The following CAST variants were observed in gnomAD, a reference collection of about 807,000 sequenced individuals.
CAST encodes the protein MIR583 host.
CAST carries 76 observed loss-of-function variants against 119.6 expected under a neutral mutation model. That is an observed-to-expected ratio of 0.64 (90% CI 0.53 to 0.77). CAST has a LOEUF of 0.77. Among genes scored for constraint, CAST ranks in the 30% least tolerant of loss-of-function variants. The probability of loss-of-function intolerance (pLI) is 0.00; values close to 1 mark genes in which losing one functional copy is unlikely to be tolerated. For synonymous variants in CAST, 319 were observed against 331.6 expected (o/e 0.96, Z 0.41); for missense variants, 953 against 946.5 (o/e 1.01, Z -0.09).
At chr5:96,211,340 C>G in the CAST span, among the ~76,000 whole-genome samples, 1 of 151,796 alleles carries the variant, frequency 6.6e-6, no homozygotes, top group Non-Finnish European at 1.5e-5. Context: ...TTTCTGAGAG[C>G]TTTTGGTATG....
intron 16 of CAST, chr5:96,743,693 T>C: frequency 1.9e-6 from 3 of 1,613,358 alleles, no homozygotes; most frequent in Non-Finnish European, 2.5e-6. Flanking sequence ...CGATAAGCTT[T>C]GTGACGGTGA....
At chr5:96,593,648 C>T (rs2150192259) in intron 1 of CAST, among the ~76,000 whole-genome samples, 1 of 152,226 alleles carries the variant, frequency 6.6e-6, no homozygotes, top group Non-Finnish European at 1.5e-5. Flanking sequence ...AAATCCTAGC[C>T]CTCAGTGTGA....
At chr5:96,619,214 G>A (rs1747537382) in intron 1 of CAST, among the ~76,000 whole-genome samples, 1 of 152,158 alleles carries the variant, frequency 6.6e-6, no homozygotes, top group Middle Eastern at 3.4e-3. Context: ...CTAAGGGTTT[G>A]TAAACGCACC....
the CAST span, among the ~76,000 whole-genome samples, chr5:96,346,176 A>C: frequency 6.6e-6 from 1 of 152,148 alleles, no homozygotes; most frequent in Non-Finnish European, 1.5e-5. Context: ...TTGATTGGCT[A>C]TGGTAGATAA....
chr5:96,376,647 G>T, the CAST span, among the ~76,000 whole-genome samples: 1 of 152,062 alleles, frequency 6.6e-6, no homozygotes. Flanking sequence ...CACCATGTGG[G>T]CCAGGCCGGT....
chr5:96,606,800 T>C (rs1747264661), intron 1 of CAST, among the ~76,000 whole-genome samples: 1 of 152,204 alleles, frequency 6.6e-6, no homozygotes, highest in Non-Finnish European at 1.5e-5. Context: ...TAGAACATTA[T>C]ACTATCCTAG....
intron 2 of CAST, among the ~76,000 whole-genome samples, chr5:96,678,143 C>G (rs1750922259): frequency 6.6e-6 from 1 of 152,176 alleles, no homozygotes; most frequent in Non-Finnish European, 1.5e-5. Flanking sequence ...ATCTCCTTTT[C>G]TTCTCAAAAT....
intron 1 of CAST, among the ~76,000 whole-genome samples, chr5:96,584,223 C>T (rs887489552): frequency 6.6e-6 from 1 of 152,188 alleles, no homozygotes; most frequent in African/African-American, 2.4e-5. Flanking sequence ...AGATCCTTGG[C>T]ATGCACTGTT....
the CAST span, among the ~76,000 whole-genome samples, chr5:96,488,566 G>A: frequency 6.6e-6 from 1 of 152,228 alleles, no homozygotes; most frequent in Non-Finnish European, 1.5e-5. Context: ...TGTAGCTAGT[G>A]AGATGTAACT....
the CAST span, among the ~76,000 whole-genome samples, chr5:96,359,535 C>CA: frequency 0.047 from 7,163 of 152,230 alleles, 209 homozygotes; most frequent in Non-Finnish European, 0.071. Context: ...CTGGTGGTGA[C>CA]AAAATCTCTC....
chr5:96,610,625 C>T (rs1160946344), intron 1 of CAST, among the ~76,000 whole-genome samples: 3 of 152,142 alleles, frequency 2.0e-5, no homozygotes, highest in African/African-American at 7.2e-5. Context: ...AGGATATCCA[C>T]TCTTACCACT....
At chr5:96,158,822 T>G in the CAST span, among the ~76,000 whole-genome samples, 1 of 152,222 alleles carries the variant, frequency 6.6e-6, no homozygotes, top group African/African-American at 2.4e-5. Context: ...AGCACTATCT[T>G]AAGTGGGTAA....
At chr5:96,251,128 T>C in the CAST span, among the ~76,000 whole-genome samples, 1 of 152,198 alleles carries the variant, frequency 6.6e-6, no homozygotes, top group Non-Finnish European at 1.5e-5. Context: ...CCTTACCTGA[T>C]AAAAGTTGAA....
chr5:96,285,070 T>C, the CAST span, among the ~76,000 whole-genome samples: 2 of 152,238 alleles, frequency 1.3e-5, no homozygotes, highest in Non-Finnish European at 2.9e-5. Flanking sequence ...AGAAATACTT[T>C]TCTTTTTTTT....
At chr5:96,415,442 G>A in the CAST span, among the ~76,000 whole-genome samples, 1 of 152,116 alleles carries the variant, frequency 6.6e-6, no homozygotes, top group Non-Finnish European at 1.5e-5. Flanking sequence ...CCACTTCTTA[G>A]CCCCTTGTTG....
the CAST span, among the ~76,000 whole-genome samples, chr5:96,344,063 G>A: frequency 6.6e-6 from 1 of 152,186 alleles, no homozygotes. Flanking sequence ...ACTTACCCTT[G>A]TGACCTTGAT....
chr5:96,443,526 C>T, the CAST span, among the ~76,000 whole-genome samples: 43,773 of 152,090 alleles, frequency 0.29, 6,553 homozygotes, highest in South Asian at 0.46. Context: ...AATTTGGATA[C>T]TATATCTGTA....
intron 1 of CAST, among the ~76,000 whole-genome samples, chr5:96,666,682 T>C (rs995688432): frequency 6.6e-6 from 1 of 152,260 alleles, no homozygotes; most frequent in Admixed American, 6.5e-5. Flanking sequence ...TTTGAATTAG[T>C]TCGCGCCCCA....
chr5:96,465,623 ATTT>A, the CAST span, among the ~76,000 whole-genome samples: 2 of 152,090 alleles, frequency 1.3e-5, no homozygotes, highest in African/African-American at 4.8e-5. Flanking sequence ...TGTAACTGGG[ATTT>A]TCATCACCTT....
Sources: allele counts gnomAD v4.1 joint callset (sites outside exome capture counted in the v4.1 genomes callset), GRCh38; gene constraint gnomAD v4.1.1; transcripts MANE v1.5; gene names NCBI Gene and HGNC (gene_info 2026-07-23, HGNC 2026-07-21).